CDH2: variants seen among roughly 807,000 people sequenced by gnomAD.
CDH2 encodes the protein cadherin 2, also known as cadherin-2.
A neutral mutation model predicts 92.0 loss-of-function variants in CDH2; 17 were observed. That is an observed-to-expected ratio of 0.18 (90% CI 0.13 to 0.28). The LOEUF is 0.28. Ranked by LOEUF, CDH2 falls within the 10% of genes least tolerant of loss-of-function variation. The pLI is 1.00. For synonymous variants in CDH2, 419 were observed against 415.9 expected (o/e 1.01, Z -0.09); for missense variants, 862 against 1,133.1 (o/e 0.76, Z 3.44).
chr18:27,960,812 C>T (rs1233345799), intron 15 of CDH2, among the ~76,000 whole-genome samples: 3 of 151,976 alleles, frequency 2.0e-5, no homozygotes, highest in African/African-American at 4.8e-5. Flanking sequence ...AATTTGCAGT[C>T]AGTTGTTTGG....
chr18:28,022,569 C>G (rs2013440832), intron 2 of CDH2, among the ~76,000 whole-genome samples: 1 of 151,932 alleles, frequency 6.6e-6, no homozygotes, highest in South Asian at 2.1e-4. Context: ...CACTTTTTCT[C>G]CAAATAATAG....
chr18:28,022,278 T>C (rs1449799680), intron 2 of CDH2, among the ~76,000 whole-genome samples: 1 of 152,016 alleles, frequency 6.6e-6, no homozygotes, highest in East Asian at 1.9e-4. Context: ...TACAGACAGG[T>C]TGAGAATGTC....
intron 2 of CDH2, among the ~76,000 whole-genome samples, chr18:28,030,462 A>T (rs2013665236): frequency 6.6e-6 from 1 of 152,142 alleles, no homozygotes; most frequent in Non-Finnish European, 1.5e-5. Flanking sequence ...GTTCAAATAC[A>T]CAGCAATAAT....
Position 28,153,360 on chromosome 18 carries a change from C to G in CDH2, c.61-5576G>C, listed in dbSNP as rs187285721. ...TAGGGGGAGCAATTTATATTTAACCCTCCAAAATTTGGTCTCAATAAATTA... is the reference window on the plus strand; with the variant it reads ...TAGGGGGAGCAATTTATATTTAACCGTCCAAAATTTGGTCTCAATAAATTA... On this transcript the variant is annotated intron_variant, in intron 1 of 15. Coordinates refer to ENST00000269141, the MANE Select transcript of CDH2 (RefSeq NM_001792.5). Among the ~76,000 whole-genome samples the G allele has an allele frequency of 1.1e-4, 16 of 152,258 alleles. No homozygotes were observed. The East Asian group carries it at 1.5e-3, about 15-fold the overall frequency.
intron 1 of CDH2, among the ~76,000 whole-genome samples, chr18:28,175,876 C>A (rs1025094919): frequency 1.3e-5 from 2 of 152,218 alleles, no homozygotes; most frequent in Non-Finnish European, 2.9e-5. Context: ...AGGGACCCCA[C>A]GGCAGGCGGA....
intron 1 of CDH2, among the ~76,000 whole-genome samples, chr18:28,176,126 T>C (rs2016536994): frequency 6.6e-6 from 1 of 152,078 alleles, no homozygotes; most frequent in Non-Finnish European, 1.5e-5. Context: ...TTAGTAGAGA[T>C]TAAATGAAAA....
chr18:28,134,859 C>T (rs183754456), intron 2 of CDH2, among the ~76,000 whole-genome samples: 1 of 152,126 alleles, frequency 6.6e-6, no homozygotes, highest in Admixed American at 6.5e-5. Context: ...CCCTGACTAG[C>T]AACATGGACT....
chr18:28,177,080 G>T lies in CDH2; in HGVS notation c.-58C>A. The T allele has an allele frequency of 7.5e-7, 1 of 1,340,316 alleles. No homozygotes were observed. The highest frequency in any genetic ancestry group is 1.0e-6 in the Non-Finnish European group (1 of 995,046). The allele number at this position is 1,340,316 out of a possible 1,614,324, so 83.0% of individuals were successfully genotyped here. ...GGAGGCGGCGGCGGCGGCGGCGGCG[G>T]CGGAGGAGGAGGAGGCAGCGGCAGC... On this transcript the variant is annotated 5_prime_UTR_variant, in exon 1 of 16. Transcript: ENST00000269141.
At chr18:28,170,550 T>C (rs761012791) in intron 1 of CDH2, among the ~76,000 whole-genome samples, 2 of 152,150 alleles carry the variant, frequency 1.3e-5, no homozygotes, top group African/African-American at 4.8e-5. Flanking sequence ...TTTCACCGTG[T>C]TAGGCAGGAT....
intron 2 of CDH2, among the ~76,000 whole-genome samples, chr18:28,110,903 C>T (rs944676279): frequency 6.6e-6 from 1 of 152,024 alleles, no homozygotes; most frequent in Non-Finnish European, 1.5e-5. Context: ...CGCCAAGCCA[C>T]GCTCTCTCCG....
intron 11 of CDH2, among the ~76,000 whole-genome samples, chr18:27,987,114 T>C (rs1417279952): frequency 6.6e-6 from 1 of 152,176 alleles, no homozygotes; most frequent in Admixed American, 6.5e-5. Flanking sequence ...TCCTGGTGAA[T>C]GAGAAATCTG....
chr18:28,022,506 C>T (rs187534978), intron 2 of CDH2, among the ~76,000 whole-genome samples: 12 of 152,072 alleles, frequency 7.9e-5, no homozygotes, highest in African/African-American at 1.2e-4. Context: ...TTACTATCAA[C>T]GAAAACTTTA....
chr18:28,018,788 T>A (rs1016960662), intron 2 of CDH2, among the ~76,000 whole-genome samples: 4 of 151,746 alleles, frequency 2.6e-5, no homozygotes, highest in Non-Finnish European at 5.9e-5. Flanking sequence ...AAAGTAGATC[T>A]ACTATGTGAT....
chr18:27,997,670 T>C (rs1202361667), intron 7 of CDH2, among the ~76,000 whole-genome samples: 1 of 152,152 alleles, frequency 6.6e-6, no homozygotes, highest in East Asian at 1.9e-4. Context: ...CCTGGTCACG[T>C]GAAATAGGAA....
At chr18:28,165,058 CTT>C (rs2016358565) in intron 1 of CDH2, among the ~76,000 whole-genome samples, 1 of 152,208 alleles carries the variant, frequency 6.6e-6, no homozygotes, top group Non-Finnish European at 1.5e-5. Context: ...AGTGCTCAAA[CTT>C]ATTCAAACAA....
chr18:28,025,821 T>C (rs552217998), intron 2 of CDH2, among the ~76,000 whole-genome samples: 5 of 152,162 alleles, frequency 3.3e-5, no homozygotes, highest in African/African-American at 1.2e-4. Context: ...GTAGTGCATA[T>C]ACGATTTTGA....
At chr18:28,080,485 C>G (rs1406351318) in intron 2 of CDH2, among the ~76,000 whole-genome samples, 1 of 151,978 alleles carries the variant, frequency 6.6e-6, no homozygotes, top group Admixed American at 6.6e-5. Flanking sequence ...AATTTAATAA[C>G]TAGGTCTTTC....
downstream of CDH2, among the ~76,000 whole-genome samples, chr18:27,948,232 AGTGATATAAGTGTAT>A (rs772543179): frequency 1.4e-5 from 2 of 143,308 alleles, no homozygotes; most frequent in Non-Finnish European, 3.2e-5. Context: ...AACAGATATA[AGTGATATAAGTGTAT>A]GTGATATAAG....
chr18:28,152,657 G>A (rs1402764100), intron 1 of CDH2, among the ~76,000 whole-genome samples: 1 of 152,202 alleles, frequency 6.6e-6, no homozygotes, highest in Non-Finnish European at 1.5e-5. Context: ...GTTAGACAGG[G>A]TTAGATCACA....
Sources: gnomAD v4.1 joint callset for allele counts (sites outside exome capture counted in the v4.1 genomes callset) on GRCh38, gnomAD v4.1.1 for gene constraint, MANE v1.5 for transcripts, NCBI Gene and HGNC (gene_info 2026-07-23, HGNC 2026-07-21) for gene names.